Variants in MACROD2 observed in about 807,000 individuals in gnomAD.
MACROD2 encodes the protein ADP-ribose glycohydrolase MACROD2.
MACROD2 carries 36 observed loss-of-function variants against 70.4 expected under a neutral mutation model. The ratio of observed to expected loss-of-function variants is 0.51; its 90% confidence interval spans 0.39 to 0.68. The LOEUF (loss-of-function observed/expected upper bound fraction) is 0.68, where lower values mean the gene tolerates loss of function less well. Ranked by LOEUF, MACROD2 falls within the 30% of genes least tolerant of loss-of-function variation. MACROD2 has a pLI of 0.00. For missense variants in MACROD2, 496 were observed against 538.4 expected (o/e 0.92, Z 0.78); for synonymous variants, 172 against 178.8 (o/e 0.96, Z 0.30).
intron 4 of MACROD2, among the ~76,000 whole-genome samples, chr20:14,617,208 T>C (rs1983534642): frequency 6.6e-6 from 1 of 152,158 alleles, no homozygotes; most frequent in South Asian, 2.1e-4. Flanking sequence ...CTTGTTTCTC[T>C]CTTTCTCGCT....
At chr20:14,304,505 C>T (rs189446938) in intron 3 of MACROD2, among the ~76,000 whole-genome samples, 211 of 152,334 alleles carry the variant, frequency 1.4e-3, no homozygotes, top group African/African-American at 4.4e-3. Flanking sequence ...AACTCCCCCA[C>T]GCTCATTTTC....
At chr20:15,963,362 T>C (rs902349353) in intron 12 of MACROD2, among the ~76,000 whole-genome samples, 1 of 152,206 alleles carries the variant, frequency 6.6e-6, no homozygotes, top group Non-Finnish European at 1.5e-5. Context: ...GCTTCCTCTC[T>C]TACTCGGTGC....
At chr20:14,966,200 T>C (rs1011713502) in intron 5 of MACROD2, among the ~76,000 whole-genome samples, 36 of 152,196 alleles carry the variant, frequency 2.4e-4, no homozygotes, top group African/African-American at 8.7e-4. Context: ...CGATGGATTA[T>C]GTTTTTTCTT....
At position 15,668,578 on chromosome 20, in the gene MACROD2, T is replaced by A. The variant is rs547319241; in HGVS notation, c.645+168731T>A. 6.2e-4 allele frequency among the ~76,000 whole-genome samples: 93 copies of A among 151,016 alleles called. 1 individual carries two copies. In the South Asian group the frequency reaches 0.018, roughly 29 times the overall value. On this transcript the variant is annotated intron_variant, in intron 8 of 17. Coordinates refer to ENST00000684519, the MANE Select transcript of MACROD2 (RefSeq NM_001351661.2). ...GTGAGACTCTGTCTGAAAAATAAAA[T>A]AAAAAATAAAAATCATAGGTGATGC...
intron 5 of MACROD2, among the ~76,000 whole-genome samples, chr20:14,848,790 T>A (rs1466291717): frequency 6.6e-6 from 1 of 152,070 alleles, no homozygotes; most frequent in African/African-American, 2.4e-5. Flanking sequence ...TATGAGTAGA[T>A]TATATAATCG....
At chr20:15,218,288 C>T (rs2076828292) in intron 5 of MACROD2, among the ~76,000 whole-genome samples, 1 of 152,156 alleles carries the variant, frequency 6.6e-6, no homozygotes, top group Non-Finnish European at 1.5e-5. Flanking sequence ...TCAATTTTTA[C>T]ACTTTGTTTT....
At chr20:15,443,484 A>C (rs2046522912) in intron 7 of MACROD2, among the ~76,000 whole-genome samples, 1 of 152,134 alleles carries the variant, frequency 6.6e-6, no homozygotes, top group South Asian at 2.1e-4. Flanking sequence ...AAATTAACAA[A>C]ATCGACATGA....
intron 4 of MACROD2, among the ~76,000 whole-genome samples, chr20:14,551,709 A>G (rs1354269265): frequency 1.3e-5 from 2 of 152,218 alleles, no homozygotes; most frequent in African/African-American, 2.4e-5. Context: ...GAAAAGGAAT[A>G]TATAAGAATA....
intron 3 of MACROD2, among the ~76,000 whole-genome samples, chr20:14,210,090 A>G (rs2081558307): frequency 6.6e-6 from 1 of 152,218 alleles, no homozygotes; most frequent in South Asian, 2.1e-4. Flanking sequence ...TGAATTAGCT[A>G]AATTATATAC....
intron 8 of MACROD2, among the ~76,000 whole-genome samples, chr20:15,707,375 A>G (rs1390908631): frequency 6.6e-6 from 1 of 152,228 alleles, no homozygotes; most frequent in Non-Finnish European, 1.5e-5. Context: ...ACAAATAATT[A>G]TCATGCCTCT....
At chr20:14,160,598 G>C (rs1399229600) in intron 3 of MACROD2, among the ~76,000 whole-genome samples, 1 of 151,556 alleles carries the variant, frequency 6.6e-6, no homozygotes, top group Admixed American at 6.6e-5. Flanking sequence ...ATTTTATTTG[G>C]GTCTTTGCTC....
At chr20:14,172,582 G>A (rs1407103704) in intron 3 of MACROD2, among the ~76,000 whole-genome samples, 5 of 152,110 alleles carry the variant, frequency 3.3e-5, no homozygotes, top group African/African-American at 1.2e-4. Flanking sequence ...TGGGATTATA[G>A]GCATGAGCCA....
At chr20:15,703,014 A>T (rs2050482271) in intron 8 of MACROD2, among the ~76,000 whole-genome samples, 1 of 152,208 alleles carries the variant, frequency 6.6e-6, no homozygotes, top group Non-Finnish European at 1.5e-5. Context: ...CTGATCTTTG[A>T]CAAAGTTGAC....
intron 5 of MACROD2, among the ~76,000 whole-genome samples, chr20:15,226,408 C>A (rs758898863): frequency 6.6e-6 from 1 of 152,160 alleles, no homozygotes; most frequent in African/African-American, 2.4e-5. Flanking sequence ...TTTAATACTT[C>A]TATTTACATT....
chr20:14,209,520 A>G (rs1035767023), intron 3 of MACROD2, among the ~76,000 whole-genome samples: 7 of 152,218 alleles, frequency 4.6e-5, no homozygotes, highest in Non-Finnish European at 8.8e-5. Context: ...AATTAGGGTA[A>G]TACTAGCCAT....
At chr20:15,532,223 T>C (rs2047813181) in intron 8 of MACROD2, among the ~76,000 whole-genome samples, 1 of 152,130 alleles carries the variant, frequency 6.6e-6, no homozygotes, top group African/African-American at 2.4e-5. Flanking sequence ...TTAATATAAA[T>C]GTGTCCTAAA....
chr20:14,372,771 T>C (rs2083338322), intron 3 of MACROD2, among the ~76,000 whole-genome samples: 1 of 152,136 alleles, frequency 6.6e-6, no homozygotes, highest in Non-Finnish European at 1.5e-5. Flanking sequence ...ACTTAGGCTT[T>C]AAAAAAGTTT....
intron 3 of MACROD2, among the ~76,000 whole-genome samples, chr20:14,128,643 G>A (rs2054681116): frequency 1.3e-5 from 2 of 152,182 alleles, no homozygotes; most frequent in African/African-American, 4.8e-5. Flanking sequence ...TACCATTTAA[G>A]ACTTTCATAG....
At chr20:15,667,487 G>GTATCTATC (rs1417686962) in intron 8 of MACROD2, among the ~76,000 whole-genome samples, 3 of 109,728 alleles carry the variant, frequency 2.7e-5, no homozygotes, top group Admixed American at 1.9e-4. Flanking sequence ...ATGTATCTAT[G>GTATCTATC]TATCTATCTA....
Sources: gnomAD v4.1 joint callset for allele counts (sites outside exome capture counted in the v4.1 genomes callset) on GRCh38, gnomAD v4.1.1 for gene constraint, MANE v1.5 for transcripts, NCBI Gene and HGNC (gene_info 2026-07-23, HGNC 2026-07-21) for gene names.